The following SDK1 variants were observed in gnomAD, a reference collection of about 807,000 sequenced individuals.
SDK1 encodes protein sidekick-1.
A neutral mutation model predicts 245.5 loss-of-function variants in SDK1; 157 were observed. The ratio of observed to expected loss-of-function variants is 0.64; its 90% CI spans 0.56 to 0.73. The LOEUF is 0.73. Ranked by LOEUF, SDK1 falls within the 30% of genes least tolerant of loss-of-function variation. The pLI, the probability that SDK1 is intolerant of heterozygous loss-of-function variation, is 0.00. For synonymous variants in SDK1, 1,647 were observed against 1,278.5 expected (o/e 1.29, Z -6.15); for missense variants, 3,583 against 3,002.3 (o/e 1.19, Z -4.52).
intron 1 of SDK1, among the ~76,000 whole-genome samples, chr7:3,327,619 G>T (rs1043214903): frequency 2.0e-5 from 3 of 151,980 alleles, no homozygotes; most frequent in African/African-American, 4.8e-5. Context: ...AAGCTGTCCA[G>T]TATAGGCCCA....
intron 5 of SDK1, among the ~76,000 whole-genome samples, chr7:3,890,958 G>T (rs543672879): frequency 1.3e-5 from 2 of 152,118 alleles, no homozygotes; most frequent in African/African-American, 2.4e-5. Context: ...TTCACTATGG[G>T]TCTACCAGTT....
chr7:3,744,939 C>G (rs1002935406), intron 4 of SDK1, among the ~76,000 whole-genome samples: 3 of 152,058 alleles, frequency 2.0e-5, no homozygotes, highest in African/African-American at 7.2e-5. Flanking sequence ...TTTTCTTTTT[C>G]CCTCACGAAG....
chr7:3,328,614 AT>A (rs562330454), intron 1 of SDK1, among the ~76,000 whole-genome samples: 8 of 151,936 alleles, frequency 5.3e-5, no homozygotes, highest in Non-Finnish European at 1.5e-5. Flanking sequence ...AACTGGTATG[AT>A]TTTTTTTGTG....
intron 1 of SDK1, among the ~76,000 whole-genome samples, chr7:3,459,546 C>G (rs891982843): frequency 2.0e-5 from 3 of 152,140 alleles, no homozygotes; most frequent in African/African-American, 4.8e-5. Context: ...GCATCACTTT[C>G]CTGTTTCAAG....
intron 40 of SDK1, among the ~76,000 whole-genome samples, chr7:4,227,706 T>A (rs1172621434): frequency 6.6e-6 from 1 of 152,250 alleles, no homozygotes; most frequent in African/African-American, 2.4e-5. Flanking sequence ...TGTATTGGCA[T>A]GACGTCGGCC....
At chr7:4,122,246 C>G (rs1346147493) in intron 25 of SDK1, among the ~76,000 whole-genome samples, 1 of 152,166 alleles carries the variant, frequency 6.6e-6, no homozygotes, top group East Asian at 1.9e-4. Context: ...TGACTTTGGG[C>G]CTTCCCTGGC....
chr7:3,850,965 A>G (rs1446794413), intron 5 of SDK1, among the ~76,000 whole-genome samples: 1 of 152,174 alleles, frequency 6.6e-6, no homozygotes, highest in Non-Finnish European at 1.5e-5. Flanking sequence ...TATGTAACAA[A>G]CCTGCACGTT....
At chr7:3,541,948 T>C (rs976332216) in intron 1 of SDK1, among the ~76,000 whole-genome samples, 1 of 152,226 alleles carries the variant, frequency 6.6e-6, no homozygotes, top group Non-Finnish European at 1.5e-5. Context: ...TAAGCCTTGA[T>C]AAACTAATTA....
intron 5 of SDK1, among the ~76,000 whole-genome samples, chr7:3,928,638 G>T (rs1350203857): frequency 6.6e-6 from 1 of 151,854 alleles, no homozygotes; most frequent in African/African-American, 2.4e-5. Context: ...TTTGGGGGGG[G>T]TGGGTGGAAT....
At chr7:3,482,981 T>G (rs920319076) in intron 1 of SDK1, among the ~76,000 whole-genome samples, 1 of 151,550 alleles carries the variant, frequency 6.6e-6, no homozygotes, top group Non-Finnish European at 1.5e-5. Context: ...TCCTATTAAT[T>G]GATTTCTCTT....
intron 5 of SDK1, among the ~76,000 whole-genome samples, chr7:3,940,147 T>G (rs1056586222): frequency 6.6e-6 from 1 of 150,662 alleles, no homozygotes. Flanking sequence ...CCACCCTGGC[T>G]GCAGAAACTG....
intron 5 of SDK1, among the ~76,000 whole-genome samples, chr7:3,866,618 C>G (rs1780826925): frequency 6.6e-6 from 1 of 152,154 alleles, no homozygotes; most frequent in South Asian, 2.1e-4. Flanking sequence ...CATGCAATTC[C>G]ACGGAGGTCG....
intron 1 of SDK1, among the ~76,000 whole-genome samples, chr7:3,549,970 C>T (rs140890858): frequency 1.2e-4 from 19 of 152,162 alleles, no homozygotes; most frequent in Admixed American, 5.9e-4. Context: ...TCTCCTTTAA[C>T]CTACATCTTA....
At chr7:4,146,250 T>C (rs662635) in intron 29 of SDK1, among the ~76,000 whole-genome samples, 19,949 of 149,492 alleles carry the variant, frequency 0.13, 1,315 homozygotes, top group African/African-American at 0.18. Context: ...ATGTGAGCAT[T>C]TCGTGACACA....
At chr7:3,389,816 A>C (rs1781703104) in intron 1 of SDK1, among the ~76,000 whole-genome samples, 1 of 152,162 alleles carries the variant, frequency 6.6e-6, no homozygotes, top group African/African-American at 2.4e-5. Context: ...GTGGTAACAA[A>C]TATCTGAAAA....
intron 1 of SDK1, among the ~76,000 whole-genome samples, chr7:3,443,206 C>G (rs1010141560): frequency 6.6e-6 from 1 of 151,904 alleles, no homozygotes; most frequent in Non-Finnish European, 1.5e-5. Context: ...AAAACTTAAC[C>G]TTGTGGTAGA....
At chr7:4,238,558 G>A (rs1451858613) in intron 42 of SDK1, among the ~76,000 whole-genome samples, 1 of 137,122 alleles carries the variant, frequency 7.3e-6, no homozygotes, top group African/African-American at 3.0e-5. Context: ...GCGAGATCCT[G>A]TCTCTTTTTT....
intron 5 of SDK1, among the ~76,000 whole-genome samples, chr7:3,846,763 C>T (rs1215887370): frequency 6.6e-6 from 1 of 152,178 alleles, no homozygotes; most frequent in African/African-American, 2.4e-5. Context: ...ATTTCCTAGA[C>T]AGCCGTGTCT....
Position 3,971,511 on chromosome 7 carries a change from AG to A in SDK1, c.1764del (p.Thr589ProfsTer28). ...CCTCCTGAGGACCACGTGGTGATTA[AG>A]GGGACCACGGCCACGCTGCACTGTG... Reference protein sequence around the residue: ...VHPPEDHVVIKGTTATLHCGA... With the variant: ...VHPPEDHVVIXGTTATLHCGA... On this transcript the variant is annotated frameshift_variant, in exon 12 of 45. Coordinates refer to ENST00000404826, the MANE Select transcript of SDK1 (RefSeq NM_152744.4). LOFTEE classifies it high-confidence loss of function. 1.2e-6 allele frequency: 2 copies of A among 1,613,698 alleles called. No homozygotes were observed. The highest frequency in any genetic ancestry group is 2.2e-5 in the South Asian group (2 of 90,922).
Sources: allele counts gnomAD v4.1 joint callset (sites outside exome capture counted in the v4.1 genomes callset), GRCh38; gene constraint gnomAD v4.1.1; transcripts MANE v1.5; gene names NCBI Gene and HGNC (gene_info 2026-07-23, HGNC 2026-07-21).